NTRK2: variants seen among roughly 807,000 people sequenced by gnomAD.
NTRK2 encodes neurotrophic receptor tyrosine kinase 2.
Under a neutral mutation model 94.5 loss-of-function variants are expected in NTRK2, and 13 were observed. That is an observed-to-expected ratio of 0.14 (90% CI 0.09 to 0.22). NTRK2 has a LOEUF of 0.22. Among genes scored for constraint, NTRK2 ranks in the 10% least tolerant of loss-of-function variants. The probability of loss-of-function intolerance (pLI) is 1.00; values close to 1 mark genes in which losing one functional copy is unlikely to be tolerated. For synonymous variants in NTRK2, 372 were observed against 407.4 expected, an observed-to-expected ratio of 0.91 and a Z score of 1.05; for missense variants, 639 against 1,071.2, an observed-to-expected ratio of 0.60 and a Z score of 5.63.
chr9:84,694,331 C>G (rs2060231146), intron 2 of NTRK2, among the ~76,000 whole-genome samples: 1 of 152,190 alleles, frequency 6.6e-6, no homozygotes, highest in Non-Finnish European at 1.5e-5. Context: ...CCAGTTAGCA[C>G]TCCATAAAGA....
At chr9:84,900,985 C>T (rs1301707965) in intron 14 of NTRK2, among the ~76,000 whole-genome samples, 1 of 152,144 alleles carries the variant, frequency 6.6e-6, no homozygotes, top group African/African-American at 2.4e-5. Flanking sequence ...ATACAGTCAG[C>T]TCCCACTTCG....
intron 9 of NTRK2, among the ~76,000 whole-genome samples, chr9:84,733,265 C>T (rs929033310): frequency 6.6e-5 from 10 of 152,200 alleles, no homozygotes; most frequent in African/African-American, 2.4e-4. Flanking sequence ...GGATATCTTA[C>T]ACTCTCAAGG....
chr9:84,900,661 A>C (rs2076899230), intron 14 of NTRK2, among the ~76,000 whole-genome samples: 1 of 152,212 alleles, frequency 6.6e-6, no homozygotes, highest in African/African-American at 2.4e-5. Context: ...TGTGAGTCTA[A>C]CTGTAAATTG....
intron 12 of NTRK2, among the ~76,000 whole-genome samples, chr9:84,806,321 T>C (rs1036957459): frequency 1.3e-5 from 2 of 152,204 alleles, no homozygotes; most frequent in African/African-American, 4.8e-5. Context: ...GCACTGGATC[T>C]TGAAGAATAG....
chr9:84,884,508 C>T lies in NTRK2; in HGVS notation c.1633+17077C>T, dbSNP rs548427895. Among the ~76,000 whole-genome samples, 87 of 152,328 alleles carry T rather than the reference C, an allele frequency of 5.7e-4. 2 individuals are homozygous for T. The highest frequency in any genetic ancestry group is 4.1e-4 in the South Asian group (2 of 4,824). ...ATGGGAGATACAGACATGCATGCAA[C>T]ATCGACGATTAGCTGTTCTTCATAT... On this transcript the variant is annotated intron_variant, in intron 14 of 18. Coordinates refer to ENST00000277120, the MANE Select transcript of NTRK2 (RefSeq NM_006180.6).
chr9:84,762,013 A>T (rs2065619343), intron 12 of NTRK2, among the ~76,000 whole-genome samples: 1 of 151,404 alleles, frequency 6.6e-6, no homozygotes, highest in African/African-American at 2.4e-5. Flanking sequence ...TAAGTCTCAC[A>T]CGATCTGAGG....
intron 14 of NTRK2, among the ~76,000 whole-genome samples, chr9:84,925,639 C>T (rs923307419): frequency 2.6e-5 from 4 of 152,176 alleles, no homozygotes; most frequent in African/African-American, 7.2e-5. Context: ...GCACCTCCCA[C>T]AAGAGTCTTG....
At chr9:84,859,971 G>T (rs558001874) in intron 12 of NTRK2, among the ~76,000 whole-genome samples, 1 of 152,202 alleles carries the variant, frequency 6.6e-6, no homozygotes, top group Admixed American at 6.5e-5. Flanking sequence ...AAGTTGGGGG[G>T]CTGAAGTTGT....
intron 12 of NTRK2, among the ~76,000 whole-genome samples, chr9:84,783,600 C>T (rs771104297): frequency 5.9e-5 from 9 of 152,080 alleles, no homozygotes; most frequent in Non-Finnish European, 1.2e-4. Flanking sequence ...GAAAATGGTC[C>T]TCAGAGATGG....
intron 4 of NTRK2, among the ~76,000 whole-genome samples, chr9:84,702,946 T>C (rs1425072407): frequency 1.3e-5 from 2 of 152,230 alleles, no homozygotes; most frequent in Non-Finnish European, 2.9e-5. Context: ...CAGAAAATTA[T>C]TAACAATGGG....
At chr9:84,974,302 T>C (rs1826538329) in intron 17 of NTRK2, among the ~76,000 whole-genome samples, 1 of 152,206 alleles carries the variant, frequency 6.6e-6, no homozygotes, top group South Asian at 2.1e-4. Flanking sequence ...ACAAATACCC[T>C]AACTTGATAA....
intron 2 of NTRK2, among the ~76,000 whole-genome samples, chr9:84,685,299 G>GC (rs1375993134): frequency 6.6e-6 from 1 of 151,136 alleles, no homozygotes; most frequent in Admixed American, 6.6e-5. Flanking sequence ...TAGGGATCTA[G>GC]CCTATTCCAT....
chr9:84,681,212 G>C (rs910278812), intron 2 of NTRK2, among the ~76,000 whole-genome samples: 1 of 152,138 alleles, frequency 6.6e-6, no homozygotes, highest in Non-Finnish European at 1.5e-5. Flanking sequence ...AGATACAGGA[G>C]AGTGTGTCAC....
At chr9:84,994,025 T>C (rs1205852961) in intron 17 of NTRK2, among the ~76,000 whole-genome samples, 2 of 152,310 alleles carry the variant, frequency 1.3e-5, no homozygotes, top group African/African-American at 4.8e-5. Flanking sequence ...ACTGAAGTAT[T>C]TTTATACAAG....
intron 14 of NTRK2, among the ~76,000 whole-genome samples, chr9:84,926,169 C>CCTTCCTTCCTTTCTTT (rs2077790007): frequency 2.6e-5 from 1 of 38,566 alleles, no homozygotes; most frequent in Non-Finnish European, 5.4e-5. Context: ...TTCCTTCCTT[C>CCTTCCTTCCTTTCTTT]CTTTCTTTCT....
intron 12 of NTRK2, among the ~76,000 whole-genome samples, chr9:84,764,837 G>T (rs576149434): frequency 6.6e-6 from 1 of 152,276 alleles, no homozygotes; most frequent in East Asian, 1.9e-4. Flanking sequence ...AATGGATAAA[G>T]AAACTGTGGT....
intron 2 of NTRK2, among the ~76,000 whole-genome samples, chr9:84,688,626 C>G (rs920704030): frequency 6.6e-6 from 1 of 152,184 alleles, no homozygotes; most frequent in African/African-American, 2.4e-5. Context: ...TCTCTCTTCC[C>G]CATATGGATT....
At chr9:84,824,189 A>G (rs1270617927) in intron 12 of NTRK2, among the ~76,000 whole-genome samples, 1 of 152,198 alleles carries the variant, frequency 6.6e-6, no homozygotes, top group Admixed American at 6.5e-5. Flanking sequence ...GGGCTCCAAT[A>G]GCTCAAGGGA....
chr9:84,977,923 A>G (rs2133200814), intron 17 of NTRK2, among the ~76,000 whole-genome samples: 1 of 152,278 alleles, frequency 6.6e-6, no homozygotes, highest in South Asian at 2.1e-4. Context: ...AGTGGTTTTT[A>G]ATGTTACTAT....
Sources: gnomAD v4.1 joint callset for allele counts (sites outside exome capture counted in the v4.1 genomes callset) on GRCh38, gnomAD v4.1.1 for gene constraint, MANE v1.5 for transcripts, NCBI Gene and HGNC (gene_info 2026-07-23, HGNC 2026-07-21) for gene names.